The following NXPH1 variants were observed in gnomAD, a reference collection of about 807,000 sequenced individuals.
The protein encoded by NXPH1 is neurexophilin-1.
In NXPH1, 5 loss-of-function variants were observed where a neutral mutation model predicts 23.7. That is an observed-to-expected ratio of 0.21 (90% CI 0.11 to 0.44). The LOEUF is 0.44. NXPH1 is among the 20% of genes least tolerant of loss of function. The pLI is 0.99. For synonymous variants in NXPH1, 144 were observed against 122.2 expected (o/e 1.18, Z -1.18); for missense variants, 324 against 321.6 (o/e 1.01, Z -0.06).
chr7:8,627,045 A>C (rs1820006907), intron 2 of NXPH1, among the ~76,000 whole-genome samples: 1 of 152,060 alleles, frequency 6.6e-6, no homozygotes, highest in Admixed American at 6.6e-5. Context: ...GTTTATGTCT[A>C]TTATATTAAT....
intron 2 of NXPH1, among the ~76,000 whole-genome samples, chr7:8,548,648 G>A (rs1434505878): frequency 6.6e-6 from 1 of 151,448 alleles, no homozygotes; most frequent in Admixed American, 6.6e-5. Flanking sequence ...ATTATACAGG[G>A]GTTGATAGCC....
chr7:8,721,278 C>T (rs962795105), intron 2 of NXPH1, among the ~76,000 whole-genome samples: 3 of 151,612 alleles, frequency 2.0e-5, no homozygotes, highest in Non-Finnish European at 2.9e-5. Flanking sequence ...GAGAGTAAGA[C>T]AGCAATAAAG....
intron 2 of NXPH1, among the ~76,000 whole-genome samples, chr7:8,638,024 A>G (rs1256009653): frequency 6.6e-6 from 1 of 152,214 alleles, no homozygotes; most frequent in Non-Finnish European, 1.5e-5. Flanking sequence ...AGCTAAAGAA[A>G]ATTGGAGAAT....
intron 2 of NXPH1, among the ~76,000 whole-genome samples, chr7:8,499,719 A>C (rs1046358584): frequency 3.9e-5 from 6 of 152,074 alleles, no homozygotes; most frequent in Non-Finnish European, 7.4e-5. Context: ...GGTGAGGCCT[A>C]AGGAGCTCTC....
At chr7:8,480,195 A>C (rs1187347185) in intron 2 of NXPH1, among the ~76,000 whole-genome samples, 1 of 152,146 alleles carries the variant, frequency 6.6e-6, no homozygotes, top group Non-Finnish European at 1.5e-5. Flanking sequence ...GCCTTATAAT[A>C]ACTCATTAAA....
At chr7:8,592,011 G>A (rs530353130) in intron 2 of NXPH1, among the ~76,000 whole-genome samples, 1 of 151,966 alleles carries the variant, frequency 6.6e-6, no homozygotes, top group African/African-American at 2.4e-5. Context: ...TGGTGACAAA[G>A]ACTGATTGTG....
intron 2 of NXPH1, among the ~76,000 whole-genome samples, chr7:8,692,678 A>C (rs1315746907): frequency 6.6e-6 from 1 of 152,304 alleles, no homozygotes; most frequent in African/African-American, 2.4e-5. Flanking sequence ...CAACCTGTCC[A>C]TATTGACTGG....
At chr7:8,549,244 G>A (rs980564060) in intron 2 of NXPH1, among the ~76,000 whole-genome samples, 9 of 151,434 alleles carry the variant, frequency 5.9e-5, no homozygotes, top group Non-Finnish European at 1.2e-4. Flanking sequence ...GCCTCATTAA[G>A]TGCAACAGGT....
At chr7:8,676,936 C>A (rs1479079035) in intron 2 of NXPH1, among the ~76,000 whole-genome samples, 1 of 152,172 alleles carries the variant, frequency 6.6e-6, no homozygotes, top group Admixed American at 6.6e-5. Context: ...TGGGCTTATG[C>A]AGAAATGCTA....
At chr7:8,602,443 T>C (rs1181455006) in intron 2 of NXPH1, among the ~76,000 whole-genome samples, 1 of 152,198 alleles carries the variant, frequency 6.6e-6, no homozygotes, top group Non-Finnish European at 1.5e-5. Flanking sequence ...CTCTGACATA[T>C]GAATAGGTGC....
chr7:8,435,864 G>A lies in NXPH1; in HGVS notation c.54+97G>A. On this transcript the variant is annotated intron_variant, in intron 2 of 2. Coordinates refer to ENST00000405863, the MANE Select transcript of NXPH1 (RefSeq NM_152745.3). This position sits in a 1 kb window ranked among gnomAD's most constrained non-coding sequence, Gnocchi z 5.9. ...GGAGAAGGGTTACGCCGCCAGTTCA[G>A]TGAGAGCAGCTTCCTAGCAGCTGTG... The A allele has an allele frequency of 8.9e-7, 1 of 1,128,262 alleles. No individual in the cohort carries two copies. The highest frequency in any genetic ancestry group is 1.4e-6 in the Non-Finnish European group (1 of 738,396). 69.9% of individuals were successfully genotyped at this position (1,128,262 alleles called of 1,614,324 possible). A position where few individuals can be genotyped will look rare whatever the true frequency, so the allele number is the denominator to read the frequency against.
chr7:8,601,616 T>C (rs10237876), intron 2 of NXPH1, among the ~76,000 whole-genome samples: 7,771 of 152,252 alleles, frequency 0.051, 352 homozygotes, highest in East Asian at 0.17. Context: ...TCGTCTTTCA[T>C]TGAAAATAGG....
chr7:8,624,091 A>G (rs1182445969), intron 2 of NXPH1, among the ~76,000 whole-genome samples: 1 of 152,160 alleles, frequency 6.6e-6, no homozygotes, highest in Non-Finnish European at 1.5e-5. Flanking sequence ...CTAAAGGAGA[A>G]GCAGTGTGAG....
intron 2 of NXPH1, among the ~76,000 whole-genome samples, chr7:8,665,899 G>C (rs923685757): frequency 1.4e-4 from 17 of 123,666 alleles, no homozygotes; most frequent in Non-Finnish European, 1.9e-4. Context: ...TTAGTTCTAA[G>C]AGGTTTTTTT....
chr7:8,541,119 A>G (rs1818109671), intron 2 of NXPH1, among the ~76,000 whole-genome samples: 1 of 151,800 alleles, frequency 6.6e-6, no homozygotes, highest in Non-Finnish European at 1.5e-5. Flanking sequence ...TTATCCAGAG[A>G]TGACATGAAT....
At chr7:8,559,389 T>G (rs1361929506) in intron 2 of NXPH1, among the ~76,000 whole-genome samples, 1 of 151,762 alleles carries the variant, frequency 6.6e-6, no homozygotes, top group African/African-American at 2.4e-5. Flanking sequence ...TCCCTTAAAT[T>G]GGTAAGACAT....
intron 2 of NXPH1, among the ~76,000 whole-genome samples, chr7:8,591,693 G>A (rs894045259): frequency 2.0e-5 from 3 of 151,966 alleles, no homozygotes; most frequent in Non-Finnish European, 4.4e-5. Context: ...ACATATAGAA[G>A]TTTTATTTCC....
chr7:8,445,420 C>T (rs1336271919), intron 2 of NXPH1, among the ~76,000 whole-genome samples: 1 of 152,208 alleles, frequency 6.6e-6, no homozygotes, highest in Non-Finnish European at 1.5e-5. Context: ...TGACTGGAAA[C>T]AGCTGCAGGG....
At chr7:8,655,244 C>T (rs2115155988) in intron 2 of NXPH1, among the ~76,000 whole-genome samples, 1 of 151,992 alleles carries the variant, frequency 6.6e-6, no homozygotes, top group Middle Eastern at 3.4e-3. Flanking sequence ...AATTAGCTGG[C>T]CGTGGTGGCA....
Sources: allele counts gnomAD v4.1 joint callset (sites outside exome capture counted in the v4.1 genomes callset), GRCh38; gene constraint gnomAD v4.1.1; non-coding constraint Gnocchi (gnomAD v3.1); transcripts MANE v1.5; gene names NCBI Gene and HGNC (gene_info 2026-07-23, HGNC 2026-07-21).